The following IQSEC1 variants were observed in gnomAD, a reference collection of about 807,000 sequenced individuals.
IQSEC1 encodes the protein IQ motif and Sec7 domain ArfGEF 1.
Under a neutral mutation model 91.0 loss-of-function variants are expected in IQSEC1, and 31 were observed. The ratio of observed to expected loss-of-function variants is 0.34; its 90% CI spans 0.26 to 0.46. The LOEUF (loss-of-function observed/expected upper bound fraction) is 0.46. Among genes scored for constraint, IQSEC1 ranks in the 20% least tolerant of loss-of-function variants. IQSEC1 has a pLI of 1.00. For synonymous variants in IQSEC1, 699 were observed against 662.6 expected, an observed-to-expected ratio of 1.05 and a Z score of -0.84; for missense variants, 1,388 against 1,575.6, an observed-to-expected ratio of 0.88 and a Z score of 2.02.
upstream of IQSEC1, among the ~76,000 whole-genome samples, chr3:13,077,131 TG>T (rs1319749696): frequency 6.6e-6 from 1 of 152,000 alleles, no homozygotes. Context: ...CTCAAACTCC[TG>T]GGCTCAGCGA....
rs1695404330 is a variant in IQSEC1, at chr3:13,262,328, G to C, written c.272+20383C>G. 2.0e-5 allele frequency among the ~76,000 whole-genome samples: 3 copies of C among 152,168 alleles called. No individual in the cohort carries two copies. The South Asian group carries it at 6.2e-4, about 32-fold the overall frequency. ...TAATGAAAATTGTTTTCAAAAAAAG[G>C]AGGTGAGGGAGCAAGCCTGTCCCCG... On this transcript the variant is annotated intron_variant, in intron 1 of 15. Coordinates refer to the IQSEC1 transcript ENST00000648114.
intron 1 of IQSEC1, among the ~76,000 whole-genome samples, chr3:13,232,225 C>T (rs1232204212): frequency 6.6e-6 from 1 of 152,234 alleles, no homozygotes; most frequent in Non-Finnish European, 1.5e-5. Context: ...CTGCACTAGC[C>T]ACTCAGCCCC....
Position 12,924,513 on chromosome 3 carries a change from C to T in IQSEC1, c.1730+68G>A, listed in dbSNP as rs916799822. On this transcript the variant is annotated intron_variant, in intron 4 of 13. Coordinates refer to ENST00000613206, the MANE Select transcript of IQSEC1 (RefSeq NM_001134382.3). The surrounding 1 kb of genome is among the most constrained non-coding windows in gnomAD (Gnocchi z 6.3). ...GTGGGCCTGGCCCTGTGTGTGCCCA[C>T]GGGTAACACAGGGTGCGTGAGGGCG... is the stretch of plus-strand genomic sequence containing the variant. The T allele has an allele frequency of 1.6e-5, 23 of 1,470,224 alleles. No homozygotes were observed. The highest frequency in any genetic ancestry group is 1.5e-4 in the East Asian group (6 of 40,072). 91.1% of individuals were successfully genotyped at this position (1,470,224 alleles called of 1,614,324 possible).
chr3:13,190,997 C>T (rs1694014185), intron 1 of IQSEC1, among the ~76,000 whole-genome samples: 1 of 152,202 alleles, frequency 6.6e-6, no homozygotes, highest in Admixed American at 6.5e-5. Context: ...CCGACAGCAC[C>T]CCTCCTCCTG....
chr3:13,258,816 G>A (rs1039149327), intron 1 of IQSEC1, among the ~76,000 whole-genome samples: 13 of 152,010 alleles, frequency 8.6e-5, no homozygotes, highest in African/African-American at 3.1e-4. Flanking sequence ...TCGCACCCTC[G>A]CCCCCCTCCC....
chr3:13,239,364 G>A (rs1266251616), intron 1 of IQSEC1, among the ~76,000 whole-genome samples: 2 of 152,234 alleles, frequency 1.3e-5, no homozygotes, highest in Non-Finnish European at 2.9e-5. Context: ...AGAGGCAGGC[G>A]GGACAGGAAC....
In IQSEC1 at chr3:13,211,663, C is replaced by A. The variant is rs1366512619; in HGVS notation, c.273-47530G>T. Among the ~76,000 whole-genome samples, 14 of 152,194 alleles carry A rather than the reference C, an allele frequency of 9.2e-5. No homozygotes were observed. The highest frequency in any genetic ancestry group is 2.6e-4 in the Admixed American group (4 of 15,286). The stretch of plus-strand genomic sequence containing the variant: ...CCTATCCCTGAAGGCCAGGCCAGGA[C>A]CCACGAACTGGCACCACCCCAGCCC... On this transcript the variant is annotated intron_variant, in intron 1 of 15. Transcript: ENST00000648114. This position sits in a 1 kb window ranked among gnomAD's most constrained non-coding sequence, Gnocchi z 5.3.
intron 1 of IQSEC1, among the ~76,000 whole-genome samples, chr3:12,987,451 A>T (rs575175117): frequency 1.3e-5 from 2 of 152,358 alleles, no homozygotes; most frequent in South Asian, 4.1e-4. Flanking sequence ...TCAGAGAGAG[A>T]GAGAGAGACC....
At chr3:12,950,118 A>T (rs1699444565) in intron 1 of IQSEC1, among the ~76,000 whole-genome samples, 1 of 152,220 alleles carries the variant, frequency 6.6e-6, no homozygotes, top group Non-Finnish European at 1.5e-5. Context: ...CCCTGCAACA[A>T]GCCTGTCAAG....
intron 1 of IQSEC1, among the ~76,000 whole-genome samples, chr3:12,993,352 G>A (rs930602570): frequency 6.6e-6 from 1 of 152,166 alleles, no homozygotes; most frequent in East Asian, 1.9e-4. Context: ...CTCCCAAGGC[G>A]CGTCCGTGTG....
chr3:13,249,172 T>C (rs974658185), intron 1 of IQSEC1, among the ~76,000 whole-genome samples: 2 of 141,962 alleles, frequency 1.4e-5, no homozygotes, highest in Admixed American at 1.4e-4. Flanking sequence ...AATTTCTTTT[T>C]TTTTTTTTTT....
At chr3:13,071,081 C>T (rs1240861702) in intron 1 of IQSEC1, among the ~76,000 whole-genome samples, 1 of 151,944 alleles carries the variant, frequency 6.6e-6, no homozygotes, top group Non-Finnish European at 1.5e-5. Flanking sequence ...TGAAAAAGAT[C>T]CTGAGGCTTG....
At chr3:13,043,857 T>C (rs1704383974) in intron 1 of IQSEC1, among the ~76,000 whole-genome samples, 1 of 152,166 alleles carries the variant, frequency 6.6e-6, no homozygotes, top group African/African-American at 2.4e-5. Flanking sequence ...AAAGCAGTGG[T>C]CACACTCCAT....
chr3:13,075,947 A>G (rs1381886630), upstream of IQSEC1, among the ~76,000 whole-genome samples: 2 of 152,134 alleles, frequency 1.3e-5, no homozygotes, highest in East Asian at 3.9e-4. Flanking sequence ...AGCTTCACCT[A>G]CCTCATGACC....
intron 1 of IQSEC1, among the ~76,000 whole-genome samples, chr3:13,185,965 A>G (rs1693924253): frequency 2.0e-5 from 3 of 152,254 alleles, no homozygotes; most frequent in Admixed American, 2.0e-4. Context: ...CCTTCAGAGA[A>G]GACAATGAGC....
At chr3:12,984,815 ATTTTTTTTTT>A (rs767194681) in intron 1 of IQSEC1, among the ~76,000 whole-genome samples, 5 of 102,210 alleles carry the variant, frequency 4.9e-5, no homozygotes, top group East Asian at 7.2e-4. Flanking sequence ...AAGCAATTAC[ATTTTTTTTTT>A]TTTTTTTTTT....
chr3:12,992,264 C>T lies in IQSEC1; in HGVS notation c.24-50399G>A, dbSNP rs550649584. On this transcript the variant is annotated intron_variant, in intron 1 of 13. Coordinates refer to ENST00000613206, the MANE Select transcript of IQSEC1 (RefSeq NM_001134382.3). This position sits in a 1 kb window ranked among gnomAD's most constrained non-coding sequence, Gnocchi z 4.1. ...TAGGGTGGCTCCGGGATGCTCCCTC[C>T]GGCACTGATGCTTAATGGCTGGGCT... is the stretch of plus-strand genomic sequence containing the variant. 2.2e-3 allele frequency among the ~76,000 whole-genome samples: 328 copies of T among 149,180 alleles called. 3 individuals carry two copies. Among genetic ancestry groups the T allele is most frequent in the African/African-American group, 7.9e-3 (318 of 40,372 alleles).
At chr3:13,019,635 G>A (rs1431112456) in intron 1 of IQSEC1, among the ~76,000 whole-genome samples, 1 of 152,200 alleles carries the variant, frequency 6.6e-6, no homozygotes, top group Non-Finnish European at 1.5e-5. Context: ...GGTCGGGAGG[G>A]CAGAGTGCTT....
At chr3:13,080,691 A>C (rs959396255) in intron 2 of IQSEC1, among the ~76,000 whole-genome samples, 13 of 152,016 alleles carry the variant, frequency 8.6e-5, no homozygotes, top group African/African-American at 2.2e-4. Context: ...CTACCCTCCA[A>C]CGGCCACTTC....
Sources: gnomAD v4.1 joint callset for allele counts (sites outside exome capture counted in the v4.1 genomes callset) on GRCh38, gnomAD v4.1.1 for gene constraint, Gnocchi (gnomAD v3.1) non-coding constraint, MANE v1.5 for transcripts, NCBI Gene and HGNC (gene_info 2026-07-23, HGNC 2026-07-21) for gene names.